AKAP19: variants seen among roughly 807,000 people sequenced by gnomAD.
The protein encoded by AKAP19 is small A-kinase anchoring protein.
chr2:189,947,214 G>T, the AKAP19 span, among the ~76,000 whole-genome samples: 1 of 152,128 alleles, frequency 6.6e-6, no homozygotes, highest in Non-Finnish European at 1.5e-5. Flanking sequence ...CCCATATGAA[G>T]AACTAGTAAC....
At chr2:189,999,630 T>C in the AKAP19 span, among the ~76,000 whole-genome samples, 1 of 152,166 alleles carries the variant, frequency 6.6e-6, no homozygotes, top group Non-Finnish European at 1.5e-5. Context: ...CTGTTTATCT[T>C]GAAATGTTTT....
chr2:190,086,744 T>C, the AKAP19 span, among the ~76,000 whole-genome samples: 1 of 152,304 alleles, frequency 6.6e-6, no homozygotes, highest in Non-Finnish European at 1.5e-5. Context: ...ATTGCTCAGA[T>C]ATGGATATGA....
the AKAP19 span, among the ~76,000 whole-genome samples, chr2:190,026,051 A>T: frequency 6.6e-6 from 1 of 152,134 alleles, no homozygotes; most frequent in Non-Finnish European, 1.5e-5. Flanking sequence ...TGCTCATTTT[A>T]AAAAAATACA....
At chr2:190,199,512 A>G in the AKAP19 span, among the ~76,000 whole-genome samples, 9 of 152,084 alleles carry the variant, frequency 5.9e-5, no homozygotes, top group African/African-American at 9.7e-5. Context: ...AAGTTTTCCT[A>G]TTTTGCAAGT....
chr2:189,881,990 T>C, the AKAP19 span, among the ~76,000 whole-genome samples: 1 of 152,328 alleles, frequency 6.6e-6, no homozygotes, highest in East Asian at 1.9e-4. Context: ...AAATTGGCTT[T>C]GATGGAACTT....
At chr2:190,164,920 T>C in the AKAP19 span, among the ~76,000 whole-genome samples, 2 of 152,208 alleles carry the variant, frequency 1.3e-5, no homozygotes, top group African/African-American at 4.8e-5. Flanking sequence ...TTGGAGTACA[T>C]GTGCATGATT....
At chr2:190,193,293 C>G in the AKAP19 span, among the ~76,000 whole-genome samples, 2 of 151,876 alleles carry the variant, frequency 1.3e-5, no homozygotes, top group Non-Finnish European at 2.9e-5. Context: ...TGGTATAAAT[C>G]CACTCAGTCA....
the AKAP19 span, among the ~76,000 whole-genome samples, chr2:189,893,997 T>C: frequency 1.3e-5 from 2 of 152,148 alleles, no homozygotes; most frequent in African/African-American, 4.8e-5. Context: ...TCTATCTGCA[T>C]ACATTATAGT....
At chr2:190,004,288 AC>A in the AKAP19 span, among the ~76,000 whole-genome samples, 23,281 of 151,692 alleles carry the variant, frequency 0.15, 1,826 homozygotes, top group Middle Eastern at 0.25. Flanking sequence ...ATAAAAAAAA[AC>A]ATTCTCAGTT....
the AKAP19 span, among the ~76,000 whole-genome samples, chr2:190,042,554 G>T: frequency 2.0e-4 from 30 of 151,806 alleles, no homozygotes; most frequent in Admixed American, 6.6e-5. Flanking sequence ...TCTTCTGCTA[G>T]CTTTGGGATT....
At chr2:189,885,140 T>A in the AKAP19 span, among the ~76,000 whole-genome samples, 2 of 152,164 alleles carry the variant, frequency 1.3e-5, no homozygotes, top group Non-Finnish European at 1.5e-5. Flanking sequence ...ATACCCCCCA[T>A]GAAGAGGTGG....
At chr2:190,187,346 G>GT in the AKAP19 span, among the ~76,000 whole-genome samples, 5 of 150,308 alleles carry the variant, frequency 3.3e-5, no homozygotes, top group Non-Finnish European at 5.9e-5. Context: ...TTAATCCAGT[G>GT]TTTAAGATGG....
the AKAP19 span, among the ~76,000 whole-genome samples, chr2:190,000,454 C>A: frequency 6.6e-6 from 1 of 152,192 alleles, no homozygotes; most frequent in Admixed American, 6.5e-5. Flanking sequence ...GAATTCATTT[C>A]CTTGCTATTT....
At chr2:190,175,990 C>A in the AKAP19 span, among the ~76,000 whole-genome samples, 1 of 152,174 alleles carries the variant, frequency 6.6e-6, no homozygotes. Context: ...GAGGATCCAG[C>A]CCTCACCAGA....
At chr2:190,056,933 A>G in the AKAP19 span, 1 of 283,826 alleles carries the variant, frequency 3.5e-6, no homozygotes, top group South Asian at 5.0e-5. Context: ...ACTTTAAAGC[A>G]TACTCCTTTA....
chr2:190,003,596 G>C, the AKAP19 span, among the ~76,000 whole-genome samples: 1 of 152,176 alleles, frequency 6.6e-6, no homozygotes, highest in African/African-American at 2.4e-5. Flanking sequence ...AGGCGCGGTG[G>C]CTCACGCCTG....
chr2:190,042,398 T>A, the AKAP19 span, among the ~76,000 whole-genome samples: 1 of 152,086 alleles, frequency 6.6e-6, no homozygotes, highest in African/African-American at 2.4e-5. Flanking sequence ...TTTATTTGGA[T>A]CTTCTCTCTT....
the AKAP19 span, among the ~76,000 whole-genome samples, chr2:189,884,974 C>T: frequency 3.2e-3 from 485 of 152,262 alleles, 1 homozygote; most frequent in Non-Finnish European, 4.9e-3. Flanking sequence ...ATAAAATAAT[C>T]AGATTAATGA....
chr2:189,910,655 T>C, the AKAP19 span, among the ~76,000 whole-genome samples: 3 of 151,996 alleles, frequency 2.0e-5, no homozygotes, highest in African/African-American at 7.2e-5. Context: ...CGTAACCATA[T>C]TTTTTTGCTG....
Sources: allele counts gnomAD v4.1 joint callset (sites outside exome capture counted in the v4.1 genomes callset), GRCh38; gene constraint gnomAD v4.1.1; transcripts MANE v1.5; gene names NCBI Gene and HGNC (gene_info 2026-07-23, HGNC 2026-07-21).